CFAP65: variants seen among roughly 807,000 people sequenced by gnomAD.
CFAP65 encodes the protein cilia and flagella associated protein 65.
CFAP65 carries 155 observed loss-of-function variants against 208.0 expected under a neutral mutation model. The ratio of observed to expected loss-of-function variants is 0.75; its 90% CI spans 0.65 to 0.85. CFAP65 has a LOEUF of 0.85. CFAP65 is among the 40% of genes least tolerant of loss of function. The pLI is 0.00. For synonymous variants in CFAP65, 970 were observed against 986.3 expected, an observed-to-expected ratio of 0.98 and a Z score of 0.31; for missense variants, 2,294 against 2,451.3, an observed-to-expected ratio of 0.94 and a Z score of 1.36.
rs1945668200 is a variant in CFAP65 at position 219,002,850 on chromosome 2, GA to G, written c.*86del. ...GGGAAATAAAGTCAAGGTAGATACAGAAAAAAGACTAGATGCTTTTACTGGC... is the reference window on the plus strand; with the variant it reads ...GGGAAATAAAGTCAAGGTAGATACAGAAAAAGACTAGATGCTTTTACTGGC... On this transcript the variant is annotated 3_prime_UTR_variant, in exon 35 of 35. Coordinates refer to ENST00000341552, the MANE Select transcript of CFAP65 (RefSeq NM_194302.4). This position sits in a 1 kb window ranked among gnomAD's most constrained non-coding sequence, Gnocchi z 7.9. The G allele has an allele frequency of 8.0e-7, 1 of 1,255,670 alleles. No homozygotes were observed. Among genetic ancestry groups the G allele is most frequent in the Non-Finnish European group, 1.1e-6 (1 of 880,030 alleles). The allele number at this position is 1,255,670 out of a possible 1,614,324, so 77.8% of individuals were successfully genotyped here. A position where few individuals can be genotyped will look rare whatever the true frequency, so the allele number is the denominator to read the frequency against.
At chr2:219,026,479 C>T (rs1947640699) in intron 13 of CFAP65, 2 of 240,850 alleles carry the variant, frequency 8.3e-6, no homozygotes, top group East Asian at 1.6e-4. Flanking sequence ...TCACGTGAGC[C>T]ACAAATGCCA....
chr2:219,009,071 G>A lies in CFAP65; in HGVS notation c.4650C>T (p.Phe1550=). 2 of 1,612,720 alleles carry A rather than the reference G, an allele frequency of 1.2e-6. No individual in the cohort carries two copies. The highest frequency in any genetic ancestry group is 1.7e-6 in the Non-Finnish European group (2 of 1,179,810). Residue 1550 remains phenylalanine, a synonymous_variant, in exon 29 of 35, where the codon TTC becomes TTT. Transcript: ENST00000341552. The part of the protein sequence containing the change: ...KDEKVRQEVE[F]TITDMKVKKR... ...CCTTCACTTTCATGTCGGTGATGGT[G>A]AACTCCACTTCCTGCCGCACCTTCT...
rs577585565 is a variant in CFAP65, at chr2:219,038,047, C to A, written c.357+328G>T. On this transcript the variant is annotated intron_variant, in intron 4 of 34. Transcript: ENST00000341552. ...CTCGTTCCTCCCTGGCACTCTCCTACCCCACGGCCTCTCAGGCACTCACTG... is the reference window on the plus strand; with the variant it reads ...CTCGTTCCTCCCTGGCACTCTCCTAACCCACGGCCTCTCAGGCACTCACTG... Among the ~76,000 whole-genome samples the A allele has an allele frequency of 2.6e-5, 4 of 152,336 alleles. No homozygotes were observed. In the South Asian group the frequency reaches 8.3e-4, roughly 32 times the overall value.
chr2:219,022,710 G>T (rs1433352336), intron 16 of CFAP65, among the ~76,000 whole-genome samples: 1 of 152,188 alleles, frequency 6.6e-6, no homozygotes, highest in African/African-American at 2.4e-5. Flanking sequence ...TGCCTGTGCT[G>T]GTGCTTCTTG....
rs1945801165 is a variant in CFAP65 at position 219,004,562 on chromosome 2, G to A, written c.5052-107C>T. On this transcript the variant is annotated intron_variant, in intron 32 of 34. Coordinates refer to ENST00000341552, the MANE Select transcript of CFAP65 (RefSeq NM_194302.4). This position sits in a 1 kb window ranked among gnomAD's most constrained non-coding sequence, Gnocchi z 4.7. ...AGGTGGGAAAGGGGCTGCTAGGTGG[G>A]GAGAGGGGAGCCCTTGGTCAGTTGT... The A allele has an allele frequency of 2.5e-6, 3 of 1,213,868 alleles. No individual in the cohort carries two copies. Among genetic ancestry groups the A allele is most frequent in the Non-Finnish European group, 3.4e-6 (3 of 869,898 alleles). 75.2% of individuals were successfully genotyped at this position (1,213,868 alleles called of 1,614,324 possible).
Position 219,023,374 on chromosome 2 carries a change from T to G in CFAP65, c.2653A>C (p.Ser885Arg). Residue 885 changes from serine to arginine, a missense_variant, in exon 16 of 35, where the codon AGC becomes CGC. Coordinates refer to ENST00000341552, the MANE Select transcript of CFAP65 (RefSeq NM_194302.4). Reference protein sequence around the residue: ...PLQLKLDTHKSLYFKPTWVGC... With the variant: ...PLQLKLDTHKRLYFKPTWVGC... Reference sequence around the variant, plus strand: ...ACCCAGGTGGGCTTGAAGTAGAGGCTTTTGTGGGTGTCCAGCTTCAGCTGC... The same window carrying G: ...ACCCAGGTGGGCTTGAAGTAGAGGCGTTTGTGGGTGTCCAGCTTCAGCTGC... The G allele has an allele frequency of 6.2e-7, 1 of 1,603,968 alleles. No individual in the cohort carries two copies.
Position 219,027,853 on chromosome 2 carries a change from T to A in CFAP65, c.2008A>T (p.Asn670Tyr). The change falls in exon 13 of 35, where the codon AAC becomes TAC. Residue 670 changes from asparagine (N) to tyrosine (Y), a missense_variant. By Grantham distance (143) the Asn-to-Tyr change is moderately radical. This residue lies in a region of CFAP65 where 867 missense variants were observed against 1,012.6 expected (regional missense o/e 0.86). Coordinates refer to ENST00000341552, the MANE Select transcript of CFAP65 (RefSeq NM_194302.4). ...TTCATCAGGCACAGGGGTACAGGGTTGGGGGCCTCAGGCCCTGGGCAGGCA... is the reference window on the plus strand; with the variant it reads ...TTCATCAGGCACAGGGGTACAGGGTAGGGGGCCTCAGGCCCTGGGCAGGCA... ...FGACPGPEAP[N>Y]PVPLCLMNHT... 6.3e-7 allele frequency: 1 copy of A among 1,584,336 alleles called. No homozygotes were observed. The highest frequency in any genetic ancestry group is 1.2e-5 in the South Asian group (1 of 85,948).
rs1948486746 is a variant in CFAP65 at position 219,038,383 on chromosome 2, T to G, written c.349A>C (p.Ser117Arg). 5 of 1,612,920 alleles carry G rather than the reference T, an allele frequency of 3.1e-6. No homozygotes were observed. In the East Asian group the frequency reaches 1.1e-4, roughly 36 times the overall value. ...SAAMSACSTI[S>R]AQPASSMDTQ... Reference sequence around the variant, plus strand: ...CCTGGCTGTATCCTTACCTGGGCGCTGATGGTGCTGCAGGCACTCATGGCT... The same window carrying G: ...CCTGGCTGTATCCTTACCTGGGCGCGGATGGTGCTGCAGGCACTCATGGCT... The change falls in exon 4 of 35, where the codon AGC becomes CGC. Residue 117 changes from serine to arginine, a missense_variant. Ser to Arg is a moderately radical substitution (Grantham distance 110, BLOSUM62 -1). Coordinates refer to ENST00000341552, the MANE Select transcript of CFAP65 (RefSeq NM_194302.4).
At chr2:219,023,993 G>A (rs763833141) in intron 15 of CFAP65, 22 bp downstream of exon 15, 2 of 1,607,004 alleles carry the variant, frequency 1.2e-6, no homozygotes, top group Non-Finnish European at 1.7e-6. Flanking sequence ...AAGGACCCAG[G>A]TCCCCTCCCT....
intron 10 of CFAP65, 157 bp from the exon 11 acceptor site, chr2:219,029,825 C>T: frequency 8.7e-7 from 1 of 1,147,184 alleles, no homozygotes; most frequent in South Asian, 1.5e-5. Context: ...ACTGGGATCT[C>T]CAGGTAGTCA....
At position 219,023,368 on chromosome 2, in the gene CFAP65, A is replaced by G; in HGVS notation, c.2659T>C (p.Tyr887His). ...QLKLDTHKSL[Y>H]FKPTWVGCSS... ...CAGCCCACCCAGGTGGGCTTGAAGTAGAGGCTTTTGTGGGTGTCCAGCTTC... is the reference window on the plus strand; with the variant it reads ...CAGCCCACCCAGGTGGGCTTGAAGTGGAGGCTTTTGTGGGTGTCCAGCTTC... Residue 887 changes from tyrosine (Y) to histidine (H), a missense_variant, in exon 16 of 35, where the codon TAC becomes CAC. Physicochemically the swap from Tyr to His is moderately conservative, Grantham distance 83. Around this residue, in one of 2 missense-constraint regions of CFAP65, gnomAD observed 1,427 missense variants for 1,438.7 expected, o/e 0.99. Coordinates refer to ENST00000341552, the MANE Select transcript of CFAP65 (RefSeq NM_194302.4). The G allele has an allele frequency of 6.2e-7, 1 of 1,606,524 alleles. No homozygotes were observed.
chr2:219,009,614 G>C (rs1946289801), intron 27 of CFAP65, among the ~76,000 whole-genome samples, 154 bp from the exon 28 acceptor site: 1 of 133,614 alleles, frequency 7.5e-6, no homozygotes, highest in African/African-American at 3.3e-5. Flanking sequence ...GATGGGACAA[G>C]ATGGAATGGG....
At chr2:219,034,754 G>A (rs1948247550) in intron 5 of CFAP65, 1 of 152,232 alleles carries the variant, frequency 6.6e-6, no homozygotes, top group Admixed American at 6.5e-5. Flanking sequence ...AATGCAAAGT[G>A]TCAATAACCT....
At chr2:219,021,380 G>C in intron 18 of CFAP65, 100 bp from the exon 19 acceptor site, 1 of 1,360,290 alleles carries the variant, frequency 7.4e-7, no homozygotes, top group Non-Finnish European at 9.7e-7. Flanking sequence ...GGGGAGGACA[G>C]CAGGCCCTGA....
At position 219,031,747 on chromosome 2, in the gene CFAP65, A is replaced by C; in HGVS notation, c.646-89T>G. ...CCCACCCTCAGCCACCCCCAACACA[A>C]CCGCTGAGGGGAGGGCCAGGCCGTG... On this transcript the variant is annotated intron_variant, in intron 6 of 34. Transcript: ENST00000341552. This position sits in a 1 kb window ranked among gnomAD's most constrained non-coding sequence, Gnocchi z 5.2. 2.6e-5 allele frequency: 38 copies of C among 1,442,666 alleles called. No homozygotes were observed. The highest frequency in any genetic ancestry group is 3.2e-5 in the Non-Finnish European group (34 of 1,065,624). 89.4% of individuals were successfully genotyped at this position (1,442,666 alleles called of 1,614,324 possible).
chr2:219,010,940 A>C lies in CFAP65; in HGVS notation c.4014T>G (p.Asp1338Glu). The part of the protein sequence containing the change: ...SVPVTYEVQT[D>E]VLSQVQEKNF... ...TTTTTTCCTGAACCTGTGACAGGAC[A>C]TCGGTCTGGACCTCATATGTCACGG... Residue 1338 changes from aspartate (D) to glutamate (E), a missense_variant, in exon 25 of 35, where the codon GAT becomes GAG. By Grantham distance (45) the Asp-to-Glu change is conservative. This residue lies in a region of CFAP65 where 1,427 missense variants were observed against 1,438.7 expected (regional missense o/e 0.99). Coordinates refer to ENST00000341552, the MANE Select transcript of CFAP65 (RefSeq NM_194302.4). 2 of 1,613,918 alleles carry C rather than the reference A, an allele frequency of 1.2e-6. No homozygotes were observed. The highest frequency in any genetic ancestry group is 1.7e-6 in the Non-Finnish European group (2 of 1,180,018).
At chr2:219,024,689 C>A (rs1043214510) in intron 14 of CFAP65, among the ~76,000 whole-genome samples, 1 of 152,198 alleles carries the variant, frequency 6.6e-6, no homozygotes, top group Non-Finnish European at 1.5e-5. Flanking sequence ...GTAATCCCAG[C>A]ACTCCGGGAG....
chr2:219,018,781 T>TCAC, intron 21 of CFAP65: 1 of 455,276 alleles, frequency 2.2e-6, no homozygotes, highest in East Asian at 3.9e-5. Context: ...TGTGTCTCAT[T>TCAC]TGTTAAGTTA....
Position 219,009,447 on chromosome 2 carries a change from G to C in CFAP65, c.4466C>G (p.Pro1489Arg). The C allele has an allele frequency of 6.2e-7, 1 of 1,611,568 alleles. No individual in the cohort carries two copies. The highest frequency in any genetic ancestry group is 8.5e-7 in the Non-Finnish European group (1 of 1,178,976). Residue 1489 changes from proline to arginine, a missense_variant, in exon 28 of 35, where the codon CCC becomes CGC. Around this residue, in one of 2 missense-constraint regions of CFAP65, gnomAD observed 1,427 missense variants for 1,438.7 expected, o/e 0.99. Coordinates refer to ENST00000341552, the MANE Select transcript of CFAP65 (RefSeq NM_194302.4). ...TTCAGGAGCCACCACCCCTATCATG[G>C]GACTCACAGACACCTGTTGATTTGG... The part of the protein sequence containing the change: ...PLDFGEVSVS[P>R]MIGVVAPEET...
Sources: gnomAD v4.1 joint callset for allele counts (sites outside exome capture counted in the v4.1 genomes callset) on GRCh38, gnomAD v4.1.1 for gene constraint, gnomAD v4.1.1 regional missense constraint, Gnocchi (gnomAD v3.1) non-coding constraint, MANE v1.5 for transcripts, NCBI Gene and HGNC (gene_info 2026-07-23, HGNC 2026-07-21) for gene names.